Variants in CACNA2D3 observed in about 807,000 individuals in gnomAD.
CACNA2D3 encodes voltage-dependent calcium channel subunit alpha-2/delta-3.
CACNA2D3 carries 60 observed loss-of-function variants against 160.6 expected under a neutral mutation model. The observed-to-expected ratio is 0.37, with a 90% CI of 0.30 to 0.46. The LOEUF is 0.46. CACNA2D3 is among the 20% of genes least tolerant of loss of function. The pLI is 1.00. For missense variants in CACNA2D3, 1,205 were observed against 1,365.0 expected, an observed-to-expected ratio of 0.88 and a Z score of 1.85; for synonymous variants, 558 against 492.9, an observed-to-expected ratio of 1.13 and a Z score of -1.75.
At position 54,878,331 on chromosome 3, in the gene CACNA2D3, C is replaced by T. The variant is rs534470983; in HGVS notation, c.1711-687C>T. Among the ~76,000 whole-genome samples the T allele has an allele frequency of 5.3e-5, 8 of 152,166 alleles. No homozygotes were observed. The South Asian group carries it at 1.0e-3, about 20-fold the overall frequency. On this transcript the variant is annotated intron_variant, in intron 18 of 37. Transcript: ENST00000474759. ...CATGACGGCACATCTTTCATCACTGCGTCTGCTGTCCTCCTCTGAACTCAT... is the reference window on the plus strand; with the variant it reads ...CATGACGGCACATCTTTCATCACTGTGTCTGCTGTCCTCCTCTGAACTCAT...
At chr3:54,554,755 T>C (rs1702213831) in intron 5 of CACNA2D3, among the ~76,000 whole-genome samples, 1 of 152,164 alleles carries the variant, frequency 6.6e-6, no homozygotes, top group Admixed American at 6.5e-5. Flanking sequence ...GCCAGAGTCC[T>C]GACTGCCGTG....
intron 27 of CACNA2D3, 29 bp downstream of exon 27, chr3:54,899,897 AAAGT>A (rs1209849683): frequency 1.3e-6 from 2 of 1,491,078 alleles, no homozygotes; most frequent in Non-Finnish European, 1.8e-6. Context: ...CCATGAAGAC[AAAGT>A]AAGCATGGCG....
At chr3:54,570,558 T>C (rs1702479649) in intron 8 of CACNA2D3, among the ~76,000 whole-genome samples, 1 of 152,188 alleles carries the variant, frequency 6.6e-6, no homozygotes, top group South Asian at 2.1e-4. Context: ...GAGAGCACTT[T>C]ATGGCTCACA....
chr3:54,752,755 G>C, intron 12 of CACNA2D3, 78 bp downstream of exon 12: 2 of 1,002,950 alleles, frequency 2.0e-6, no homozygotes, highest in Non-Finnish European at 3.1e-6. Context: ...TGAGAAAGTA[G>C]AGAGTTCTAA....
At chr3:54,227,428 T>C (rs543116962) in intron 2 of CACNA2D3, among the ~76,000 whole-genome samples, 25 of 152,096 alleles carry the variant, frequency 1.6e-4, no homozygotes, top group African/African-American at 6.0e-4. Flanking sequence ...GAAAAAAAAA[T>C]AACAAATTTT....
intron 13 of CACNA2D3, among the ~76,000 whole-genome samples, chr3:54,783,165 G>A (rs184934225): frequency 6.8e-4 from 104 of 152,222 alleles, no homozygotes; most frequent in Non-Finnish European, 1.4e-3. Flanking sequence ...ATACGTGTGT[G>A]TCCTCTGAGG....
chr3:54,520,819 A>C (rs1457157669), intron 5 of CACNA2D3, among the ~76,000 whole-genome samples: 1 of 152,138 alleles, frequency 6.6e-6, no homozygotes, highest in African/African-American at 2.4e-5. Flanking sequence ...CTGTCCCTAT[A>C]GATTTACCTT....
Position 54,886,037 on chromosome 3 carries a change from C to T in CACNA2D3, c.2056+451C>T, listed in dbSNP as rs534781915. On this transcript the variant is annotated intron_variant, in intron 23 of 37. Transcript: ENST00000474759. ...CTCTCAGTGTGGTACATGCTGAGTG[C>T]CCTGCCTACCAAGCATCCCCTTCTA... Among the ~76,000 whole-genome samples, 3 of 152,200 alleles carry T rather than the reference C, an allele frequency of 2.0e-5. No homozygotes were observed. In the South Asian group the frequency reaches 6.2e-4, roughly 32 times the overall value.
intron 5 of CACNA2D3, among the ~76,000 whole-genome samples, chr3:54,558,421 C>G (rs7621375): frequency 6.7e-6 from 1 of 148,720 alleles, no homozygotes; most frequent in African/African-American, 2.5e-5. Context: ...TTTTTTTTTT[C>G]CTTTCCATCT....
intron 13 of CACNA2D3, among the ~76,000 whole-genome samples, chr3:54,788,162 GTAATC>G (rs1351256288): frequency 3.3e-5 from 5 of 152,218 alleles, no homozygotes; most frequent in Admixed American, 2.6e-4. Flanking sequence ...TTTTAACTGA[GTAATC>G]TCATCTGTCA....
intron 2 of CACNA2D3, among the ~76,000 whole-genome samples, chr3:54,290,837 C>G (rs1011946811): frequency 6.6e-6 from 1 of 151,890 alleles, no homozygotes; most frequent in African/African-American, 2.4e-5. Context: ...CATGTTCTCA[C>G]TCATAGGTGG....
chr3:54,744,677 C>T (rs1488472102), intron 11 of CACNA2D3, among the ~76,000 whole-genome samples: 1 of 152,252 alleles, frequency 6.6e-6, no homozygotes, highest in African/African-American at 2.4e-5. Flanking sequence ...TTCAACCAAA[C>T]TTCTGGGCAG....
intron 3 of CACNA2D3, among the ~76,000 whole-genome samples, chr3:54,364,393 A>T (rs1044344398): frequency 2.0e-5 from 3 of 152,214 alleles, no homozygotes; most frequent in Non-Finnish European, 4.4e-5. Context: ...TCTTAATTTG[A>T]TAGTTTGAAA....
intron 11 of CACNA2D3, among the ~76,000 whole-genome samples, chr3:54,711,614 T>C (rs1438883064): frequency 6.6e-6 from 1 of 152,176 alleles, no homozygotes; most frequent in African/African-American, 2.4e-5. Context: ...GCAAAACAGA[T>C]GGGATTACCA....
chr3:54,209,754 A>G (rs1701338975), intron 2 of CACNA2D3, among the ~76,000 whole-genome samples: 1 of 152,226 alleles, frequency 6.6e-6, no homozygotes, highest in Non-Finnish European at 1.5e-5. Flanking sequence ...CCTCCAGAGG[A>G]TGTTCTAAAG....
chr3:54,531,644 G>C (rs1391268924), intron 5 of CACNA2D3, among the ~76,000 whole-genome samples: 2 of 152,198 alleles, frequency 1.3e-5, no homozygotes, highest in Non-Finnish European at 2.9e-5. Context: ...GAGAAGCAAA[G>C]TTAATTGTGT....
chr3:54,384,922 C>T (rs1327097921), intron 3 of CACNA2D3, among the ~76,000 whole-genome samples: 2 of 152,002 alleles, frequency 1.3e-5, no homozygotes, highest in Non-Finnish European at 2.9e-5. Context: ...GTTTTTGCCA[C>T]GTTGACCAGG....
At chr3:54,386,650 A>C (rs1375101040) in intron 3 of CACNA2D3, 65 bp from the exon 4 acceptor site, 3 of 1,438,302 alleles carry the variant, frequency 2.1e-6, no homozygotes, top group Non-Finnish European at 2.8e-6. Context: ...GTCAATGGAG[A>C]AATGGGGTTC....
chr3:55,074,124 G>A lies in CACNA2D3; in HGVS notation c.3194G>A (p.Arg1065Lys), dbSNP rs1406274077. 4 of 1,613,570 alleles carry A rather than the reference G, an allele frequency of 2.5e-6. No individual in the cohort carries two copies. Among genetic ancestry groups the A allele is most frequent in the East Asian group, 2.2e-5 (1 of 44,882 alleles). Residue 1065 changes from arginine (R) to lysine (K), a missense_variant, in exon 38 of 38, where the codon AGG (arginine) becomes AAG (lysine). By Grantham distance (26) the Arg-to-Lys change is conservative. Transcript: ENST00000474759. ...CHGFHPEENA[R>K]ECGGAPSLQA... ...TGCCTTTCCCCATAGGAGAATGCAAGGGAGTGTGGGGGTGCGCCGAGTCTC... is the reference window on the plus strand; with the variant it reads ...TGCCTTTCCCCATAGGAGAATGCAAAGGAGTGTGGGGGTGCGCCGAGTCTC...
Sources: allele counts gnomAD v4.1 joint callset (sites outside exome capture counted in the v4.1 genomes callset), GRCh38; gene constraint gnomAD v4.1.1; transcripts MANE v1.5; gene names NCBI Gene and HGNC (gene_info 2026-07-23, HGNC 2026-07-21).